GLIS3: variants seen among roughly 807,000 people sequenced by gnomAD.
GLIS3 encodes GLIS family zinc finger 3, also known as zinc finger protein GLIS3.
In GLIS3, 53 loss-of-function variants were observed where a neutral mutation model predicts 78.6. The observed-to-expected ratio is 0.67, with a 90% confidence interval of 0.54 to 0.85. The LOEUF (loss-of-function observed/expected upper bound fraction) is 0.85. GLIS3 is among the 40% of genes least tolerant of loss of function. The pLI is 0.00. For synonymous variants in GLIS3, 684 were observed against 509.9 expected (o/e 1.34, Z -4.60); for missense variants, 1,703 against 1,231.1 (o/e 1.38, Z -5.74).
chr9:4,447,927 T>A, the GLIS3 span, among the ~76,000 whole-genome samples: 1 of 152,292 alleles, frequency 6.6e-6, no homozygotes, highest in Admixed American at 6.5e-5. Flanking sequence ...TCTATTTTTA[T>A]TTTTTCTAAA....
intron 2 of GLIS3, among the ~76,000 whole-genome samples, chr9:4,159,643 C>A (rs565752722): frequency 1.3e-5 from 2 of 151,640 alleles, no homozygotes; most frequent in Non-Finnish European, 2.9e-5. Context: ...TGCTTGAATC[C>A]GGGAGGCAGA....
chr9:4,022,334 G>A (rs1822957660), intron 4 of GLIS3, among the ~76,000 whole-genome samples: 1 of 152,098 alleles, frequency 6.6e-6, no homozygotes, highest in South Asian at 2.1e-4. Flanking sequence ...CATATTTTAG[G>A]TTTTCCCCCT....
chr9:4,418,695 T>C, the GLIS3 span, among the ~76,000 whole-genome samples: 1 of 151,680 alleles, frequency 6.6e-6, no homozygotes, highest in Non-Finnish European at 1.5e-5. Flanking sequence ...CCAGAGTCCA[T>C]CTCAAAAAAC....
the GLIS3 span, among the ~76,000 whole-genome samples, chr9:4,486,306 C>A: frequency 2.0e-5 from 3 of 152,294 alleles, no homozygotes; most frequent in South Asian, 2.1e-4. Flanking sequence ...AAGATTCAGA[C>A]CCATCAAAGA....
chr9:3,940,114 C>T (rs1826121521), intron 4 of GLIS3, among the ~76,000 whole-genome samples: 1 of 152,054 alleles, frequency 6.6e-6, no homozygotes, highest in Admixed American at 6.5e-5. Context: ...AAGAATTTCC[C>T]CTCCCTCAGG....
chr9:4,060,299 T>C (rs1826536728), intron 4 of GLIS3, among the ~76,000 whole-genome samples: 1 of 152,174 alleles, frequency 6.6e-6, no homozygotes, highest in Non-Finnish European at 1.5e-5. Flanking sequence ...ACAAACATTG[T>C]CTTTTGAACC....
chr9:3,895,787 T>C (rs1822786549), intron 7 of GLIS3, among the ~76,000 whole-genome samples: 1 of 152,240 alleles, frequency 6.6e-6, no homozygotes, highest in Non-Finnish European at 1.5e-5. Context: ...ATTGCAAAAC[T>C]ATGACTTCTT....
intron 4 of GLIS3, among the ~76,000 whole-genome samples, chr9:4,086,018 G>A (rs560944582): frequency 6.6e-6 from 1 of 152,298 alleles, no homozygotes; most frequent in South Asian, 2.1e-4. Flanking sequence ...CTATGTTAAA[G>A]TGCCTACCAT....
intron 2 of GLIS3, among the ~76,000 whole-genome samples, chr9:4,242,416 T>C (rs1326850949): frequency 6.6e-6 from 1 of 152,194 alleles, no homozygotes; most frequent in East Asian, 1.9e-4. Flanking sequence ...TATTCAGGGC[T>C]CTATAGGAAT....
chr9:4,350,821 G>A, upstream of GLIS3, among the ~76,000 whole-genome samples: 1 of 152,140 alleles, frequency 6.6e-6, no homozygotes, highest in South Asian at 2.1e-4. Context: ...TTTTGTTTTT[G>A]TTTGTTTTTG....
chr9:4,003,673 C>T (rs532756872), intron 4 of GLIS3, among the ~76,000 whole-genome samples: 2 of 152,278 alleles, frequency 1.3e-5, no homozygotes, highest in Admixed American at 6.5e-5. Flanking sequence ...CAAAGAATTG[C>T]TAAAAGAAGC....
chr9:3,847,109 G>A (rs1233743631), intron 9 of GLIS3, among the ~76,000 whole-genome samples: 4 of 152,222 alleles, frequency 2.6e-5, no homozygotes, highest in Middle Eastern at 3.4e-3. Context: ...ACTTGAGCCC[G>A]GGAGGCAGAG....
intron 2 of GLIS3, among the ~76,000 whole-genome samples, chr9:4,329,654 TGA>T (rs1289290339): frequency 2.0e-5 from 3 of 152,092 alleles, no homozygotes; most frequent in Admixed American, 6.5e-5. Flanking sequence ...CATTCCAGGA[TGA>T]GAGAGAAATT....
chr9:4,084,735 C>A (rs997722815), intron 4 of GLIS3, among the ~76,000 whole-genome samples: 1 of 152,126 alleles, frequency 6.6e-6, no homozygotes, highest in South Asian at 2.1e-4. Flanking sequence ...CTTCAAGCTC[C>A]GAGCTCTGGT....
At chr9:4,213,067 G>A (rs887673165) in intron 2 of GLIS3, among the ~76,000 whole-genome samples, 1 of 152,196 alleles carries the variant, frequency 6.6e-6, no homozygotes, top group Non-Finnish European at 1.5e-5. Context: ...TTTCCCTTAT[G>A]AGAAGTGGCT....
chr9:4,083,361 T>A (rs1372987854), intron 4 of GLIS3, among the ~76,000 whole-genome samples: 2 of 152,086 alleles, frequency 1.3e-5, no homozygotes, highest in African/African-American at 2.4e-5. Flanking sequence ...CAGTCCATAA[T>A]CCTTACCACA....
At chr9:4,032,583 AC>A (rs1270151077) in intron 4 of GLIS3, among the ~76,000 whole-genome samples, 6 of 152,348 alleles carry the variant, frequency 3.9e-5, no homozygotes, top group African/African-American at 1.4e-4. Flanking sequence ...TAGCAGCCTA[AC>A]AAATTTGAGT....
In GLIS3 at chr9:4,172,948, G is replaced by A. The variant is rs1036999947; in HGVS notation, c.389-47007C>T. On this transcript the variant is annotated intron_variant, in intron 2 of 10. Transcript: ENST00000381971. Reference sequence around the variant, plus strand: ...TGGTTGGTTGCTCTTTCGATTTTCCGAGAAAAGCCAAATTCTGAATTTTTT... The same window carrying A: ...TGGTTGGTTGCTCTTTCGATTTTCCAAGAAAAGCCAAATTCTGAATTTTTT... 3.3e-5 allele frequency among the ~76,000 whole-genome samples: 5 copies of A among 152,208 alleles called. No homozygotes were observed. In the East Asian group the frequency reaches 5.8e-4, roughly 18 times the overall value.
At chr9:4,209,398 A>G (rs1820181198) in intron 2 of GLIS3, among the ~76,000 whole-genome samples, 1 of 152,196 alleles carries the variant, frequency 6.6e-6, no homozygotes, top group Admixed American at 6.5e-5. Flanking sequence ...GACCAGAGAA[A>G]CTAAACGTCT....
Sources: gnomAD v4.1 joint callset for allele counts (sites outside exome capture counted in the v4.1 genomes callset) on GRCh38, gnomAD v4.1.1 for gene constraint, MANE v1.5 for transcripts, NCBI Gene and HGNC (gene_info 2026-07-23, HGNC 2026-07-21) for gene names.